Variants in PC observed in about 807,000 individuals in gnomAD.
PC encodes pyruvate carboxylase, also known as pyruvate carboxylase, mitochondrial.
PC carries 46 observed loss-of-function variants against 107.8 expected under a neutral mutation model. The ratio of observed to expected loss-of-function variants is 0.43; its 90% confidence interval spans 0.34 to 0.55. PC has a LOEUF of 0.55. Ranked by LOEUF, PC falls within the 20% of genes least tolerant of loss-of-function variation. The probability of loss-of-function intolerance (pLI) is 0.04; values close to 1 mark genes in which losing one functional copy is unlikely to be tolerated. For synonymous variants in PC, 662 were observed against 684.7 expected (o/e 0.97, Z 0.52); for missense variants, 1,241 against 1,643.1 (o/e 0.76, Z 4.23).
intron 3 of PC, among the ~76,000 whole-genome samples, chr11:66,873,403 A>G (rs1451940620): frequency 1.0e-5 from 1 of 98,052 alleles, no homozygotes; most frequent in Non-Finnish European, 1.9e-5. Context: ...TATATAATAT[A>G]ATATAAATAT....
chr11:66,879,299 G>C (rs1040877543), intron 3 of PC, among the ~76,000 whole-genome samples: 1 of 152,242 alleles, frequency 6.6e-6, no homozygotes, highest in African/African-American at 2.4e-5. Context: ...GGAGCCAGCA[G>C]GTGTGATGCC....
intron 12 of PC, among the ~76,000 whole-genome samples, chr11:66,861,694 G>A (rs1244137643): frequency 6.6e-6 from 1 of 152,112 alleles, no homozygotes; most frequent in Non-Finnish European, 1.5e-5. Flanking sequence ...GGGCTGCCAC[G>A]CTGGGCGCTA....
intron 12 of PC, among the ~76,000 whole-genome samples, chr11:66,860,887 G>C (rs1427499678): frequency 6.6e-6 from 1 of 152,202 alleles, no homozygotes; most frequent in East Asian, 1.9e-4. Flanking sequence ...CTGGGAGAAC[G>C]GACCTGGGCT....
At position 66,859,450 on chromosome 11, in the gene PC, C is replaced by T. The variant is rs76282952; in HGVS notation, c.1368+4324G>A. Among the ~76,000 whole-genome samples the T allele has an allele frequency of 9.1e-3, 1,386 of 152,320 alleles. 26 individuals carry two copies. Among genetic ancestry groups the T allele is most frequent in the African/African-American group, 0.031 (1,289 of 41,562 alleles). On this transcript the variant is annotated intron_variant, in intron 12 of 22. Coordinates refer to ENST00000393960, the MANE Select transcript of PC (RefSeq NM_001040716.2). ...CCACCCCATTCCCCTCGCTTGCCTG[C>T]GTCCTGTGCCAGTGCACACACCCAT...
At chr11:66,868,683 T>G (rs1204441659) in intron 10 of PC, among the ~76,000 whole-genome samples, 163 bp downstream of exon 10, 1 of 152,232 alleles carries the variant, frequency 6.6e-6, no homozygotes, top group Non-Finnish European at 1.5e-5. Context: ...GTAATGCTTT[T>G]AGAATAATGA....
intron 12 of PC, among the ~76,000 whole-genome samples, chr11:66,856,126 A>C (rs962668775): frequency 1.3e-5 from 2 of 152,258 alleles, no homozygotes; most frequent in African/African-American, 2.4e-5. Flanking sequence ...CTCAACCAGG[A>C]AGCAAAGAAC....
intron 3 of PC, among the ~76,000 whole-genome samples, chr11:66,903,891 G>A (rs1307760040): frequency 1.4e-5 from 2 of 139,738 alleles, no homozygotes; most frequent in African/African-American, 2.7e-5. Context: ...ACAACGGCAC[G>A]ATCTCAGCTC....
intron 3 of PC, among the ~76,000 whole-genome samples, chr11:66,913,751 T>A (rs1264330018): frequency 6.6e-6 from 1 of 151,842 alleles, no homozygotes. Context: ...ACAGCTGTTG[T>A]CCCTGTGCAA....
Position 66,866,360 on chromosome 11 carries a change from T to C in PC, c.1023-11A>G, listed in dbSNP as rs775307675. On this transcript the variant is annotated splice_polypyrimidine_tract_variant and intron_variant, in intron 10 of 22. Transcript: ENST00000393960. This position sits in a 1 kb window ranked among gnomAD's most constrained non-coding sequence, Gnocchi z 5.4. ...TGGACCAGGTCTACGCTGTAGGGCA[T>C]TGGGGGGAGGGGGGAAAGGACGGGA... 13 of 1,536,376 alleles carry C rather than the reference T, an allele frequency of 8.5e-6. No homozygotes were observed. The highest frequency in any genetic ancestry group is 1.2e-5 in the South Asian group (1 of 83,088).
intron 1 of PC, among the ~76,000 whole-genome samples, chr11:66,955,905 T>C (rs1949550290): frequency 6.6e-6 from 1 of 152,188 alleles, no homozygotes; most frequent in South Asian, 2.1e-4. Context: ...CCTGAGTAGC[T>C]GGGATTACAG....
chr11:66,856,844 G>GGC (rs1945872751), intron 12 of PC: 1 of 150,038 alleles, frequency 6.7e-6, no homozygotes, highest in African/African-American at 2.4e-5. Context: ...GATGGCCGGG[G>GGC]GCGCGCGCGC....
At chr11:66,876,713 G>A (rs1946993340) in intron 3 of PC, among the ~76,000 whole-genome samples, 1 of 152,244 alleles carries the variant, frequency 6.6e-6, no homozygotes, top group African/African-American at 2.4e-5. Flanking sequence ...CCAGCTGGGA[G>A]CAGGCGGCAC....
intron 3 of PC, among the ~76,000 whole-genome samples, chr11:66,888,850 C>A (rs890327857): frequency 1.3e-5 from 2 of 152,026 alleles, no homozygotes; most frequent in Admixed American, 6.5e-5. Context: ...CCCAGGCGGG[C>A]AAATCACAAG....
At chr11:66,925,792 T>C (rs1375249558) in intron 3 of PC, among the ~76,000 whole-genome samples, 1 of 152,042 alleles carries the variant, frequency 6.6e-6, no homozygotes, top group Non-Finnish European at 1.5e-5. Context: ...AAGATAGACA[T>C]AAGAAATAAA....
At chr11:66,878,949 C>T (rs1947084166) in intron 3 of PC, among the ~76,000 whole-genome samples, 1 of 152,224 alleles carries the variant, frequency 6.6e-6, no homozygotes, top group Admixed American at 6.5e-5. Context: ...GCTTTCACAT[C>T]TGTAAAACGG....
intron 3 of PC, among the ~76,000 whole-genome samples, chr11:66,889,773 T>C (rs1185157286): frequency 2.0e-5 from 3 of 152,156 alleles, no homozygotes; most frequent in Non-Finnish European, 2.9e-5. Context: ...TTCTTCCTAA[T>C]ACCATTCCGG....
chr11:66,947,141 T>C (rs1354346858), intron 3 of PC, among the ~76,000 whole-genome samples: 2 of 152,120 alleles, frequency 1.3e-5, no homozygotes, highest in Non-Finnish European at 2.9e-5. Flanking sequence ...CCTAGGCATT[T>C]ACCCAAGAGA....
rs755385132 is a variant in PC at position 66,850,052 on chromosome 11, C to A, written c.2783G>T (p.Arg928Leu). The change falls in exon 20 of 23, where the codon CGG becomes CTG. Residue 928 changes from arginine to leucine, a missense_variant. Coordinates refer to ENST00000393960, the MANE Select transcript of PC (RefSeq NM_001040716.2). Reference protein sequence around the residue: ...AQFMVQNGLSRAEAEAQAEEL... With the variant: ...AQFMVQNGLSLAEAEAQAEEL... ...TTCCGCCTGAGCTTCGGCCTCTGCC[C>A]GGCTCAATCCATTCTGCACCATAAA... is the stretch of plus-strand genomic sequence containing the variant. 7 of 1,613,692 alleles carry A rather than the reference C, an allele frequency of 4.3e-6. No individual in the cohort carries two copies. Among genetic ancestry groups the A allele is most frequent in the Non-Finnish European group, 5.9e-6 (7 of 1,180,034 alleles).
intron 3 of PC, among the ~76,000 whole-genome samples, chr11:66,904,691 A>G (rs987910779): frequency 2.6e-5 from 4 of 152,242 alleles, no homozygotes; most frequent in African/African-American, 9.6e-5. Context: ...GAAAGGACAA[A>G]TACAAATAAG....
Sources: allele counts gnomAD v4.1 joint callset (sites outside exome capture counted in the v4.1 genomes callset), GRCh38; gene constraint gnomAD v4.1.1; non-coding constraint Gnocchi (gnomAD v3.1); transcripts MANE v1.5; gene names NCBI Gene and HGNC (gene_info 2026-07-23, HGNC 2026-07-21).